Variants in VPS13D observed in about 807,000 individuals in gnomAD.
The protein encoded by VPS13D is intermembrane lipid transfer protein VPS13D.
Under a neutral mutation model 461.9 loss-of-function variants are expected in VPS13D, and 187 were observed. The observed-to-expected ratio is 0.40, with a 90% CI of 0.36 to 0.46. The LOEUF is 0.46. VPS13D is among the 20% of genes least tolerant of loss of function. The pLI is 0.60. For missense variants in VPS13D, 4,711 were observed against 5,364.9 expected (o/e 0.88, Z 3.81); for synonymous variants, 1,951 against 1,986.3 (o/e 0.98, Z 0.47).
chr1:12,479,647 AAC>A (rs1645686860), intron 67 of VPS13D, among the ~76,000 whole-genome samples: 1 of 152,116 alleles, frequency 6.6e-6, no homozygotes, highest in African/African-American at 2.4e-5. Flanking sequence ...TGGCCAACTG[AAC>A]ACAGAGTACA....
intron 5 of VPS13D, among the ~76,000 whole-genome samples, chr1:12,246,330 A>T (rs539779680): frequency 3.9e-5 from 6 of 152,292 alleles, no homozygotes; most frequent in Non-Finnish European, 8.8e-5. Flanking sequence ...GCTGTAGGAG[A>T]TACAGGTCGA....
chr1:12,414,416 G>C (rs1361418980), intron 63 of VPS13D, among the ~76,000 whole-genome samples: 2 of 152,118 alleles, frequency 1.3e-5, no homozygotes, highest in Non-Finnish European at 2.9e-5. Flanking sequence ...TCTTGCAATG[G>C]AGTATTTATA....
chr1:12,304,797 G>A, intron 26 of VPS13D, 69 bp downstream of exon 26: 1 of 1,470,406 alleles, frequency 6.8e-7, no homozygotes, highest in Non-Finnish European at 9.4e-7. Context: ...GGAAACTGAG[G>A]GGGGTGGGCA....
At chr1:12,440,499 G>C (rs891329998) in intron 65 of VPS13D, among the ~76,000 whole-genome samples, 11 of 152,230 alleles carry the variant, frequency 7.2e-5, no homozygotes, top group African/African-American at 2.7e-4. Context: ...CAGAGCAGTA[G>C]TAATATGCAG....
At chr1:12,481,946 T>C (rs1645723695) in intron 67 of VPS13D, among the ~76,000 whole-genome samples, 1 of 151,956 alleles carries the variant, frequency 6.6e-6, no homozygotes, top group Non-Finnish European at 1.5e-5. Context: ...TTAGGGAGAG[T>C]GCTGAGCACC....
chr1:12,466,572 T>C (rs1304885241), intron 67 of VPS13D, among the ~76,000 whole-genome samples: 1 of 152,230 alleles, frequency 6.6e-6, no homozygotes, highest in Non-Finnish European at 1.5e-5. Context: ...AGATCTGATA[T>C]GTTATCCTGT....
At chr1:12,312,059 T>A in intron 29 of VPS13D, 134 bp downstream of exon 29, 28 of 506,662 alleles carry the variant, frequency 5.5e-5, no homozygotes, top group South Asian at 3.4e-4. Context: ...GTCTTTTGGT[T>A]GATCTACACA....
rs767951999 is a variant in VPS13D at position 12,460,310 on chromosome 1, T to C, written c.12576T>C (p.Thr4192=). 2 of 1,612,724 alleles carry C rather than the reference T, an allele frequency of 1.2e-6. No homozygotes were observed. The highest frequency in any genetic ancestry group is 1.7e-6 in the Non-Finnish European group (2 of 1,179,432). The change falls in exon 67 of 70, where the codon ACT becomes ACC. Residue 4192 remains threonine, a synonymous_variant. Transcript: ENST00000620676. ...ISGLGKGLVG[T]VTKPVAGALD... is the part of the protein sequence containing the mutation. ...GCCTTGGAAAAGGGCTTGTTGGCAC[T>C]GTAACCAAGCCAGTGGCAGGCGCCC...
intron 67 of VPS13D, among the ~76,000 whole-genome samples, chr1:12,477,456 C>T (rs1053553703): frequency 2.0e-5 from 3 of 152,172 alleles, no homozygotes; most frequent in South Asian, 2.1e-4. Context: ...GATTCACCTC[C>T]GCGATGACCT....
In VPS13D at chr1:12,283,733, C is replaced by T. The variant is rs759274347; in HGVS notation, c.5631C>T (p.Leu1877=). The change falls in exon 21 of 70, where the codon CTC becomes CTT. Residue 1877 remains leucine, a synonymous_variant. Coordinates refer to ENST00000620676, the MANE Select transcript of VPS13D (RefSeq NM_015378.4). ...LQDPVNTKLD[L]KVHSLSLVLN... ...ATCCAGTGAACACCAAACTGGATCTCAAGGTATCCTCAGTTCCCTTTGGCT... is the reference window on the plus strand; with the variant it reads ...ATCCAGTGAACACCAAACTGGATCTTAAGGTATCCTCAGTTCCCTTTGGCT... 2.5e-6 allele frequency: 4 copies of T among 1,610,918 alleles called. No homozygotes were observed. Among genetic ancestry groups the T allele is most frequent in the Non-Finnish European group, 3.4e-6 (4 of 1,177,866 alleles).
At position 12,456,066 on chromosome 1, in the gene VPS13D, C is replaced by T. The variant is rs1204344067; in HGVS notation, c.12402C>T (p.Tyr4134=). Residue 4134 remains tyrosine, a synonymous_variant, in exon 66 of 70, where the codon TAC becomes TAT. Transcript: ENST00000620676. ...ATCGGCATCAGTCAGAGCGGGAGTA[C>T]ATCAGGTACCATGCAGCCACAAGTG... ...MDNRHQSERE[Y]IRYHAATSGE... The T allele has an allele frequency of 2.5e-6, 4 of 1,613,850 alleles. No individual in the cohort carries two copies.
chr1:12,272,898 G>T, intron 17 of VPS13D, 105 bp from the exon 18 acceptor site: 3 of 1,469,722 alleles, frequency 2.0e-6, no homozygotes, highest in Non-Finnish European at 2.7e-6. Context: ...TTAGATCACT[G>T]AGTCACTCCA....
chr1:12,408,005 G>A (rs758273645), intron 63 of VPS13D, among the ~76,000 whole-genome samples: 4 of 152,110 alleles, frequency 2.6e-5, no homozygotes, highest in Non-Finnish European at 5.9e-5. Context: ...TTTTCCCAGC[G>A]TGTTTATTTT....
chr1:12,250,829 A>G (rs1421702753), intron 6 of VPS13D, among the ~76,000 whole-genome samples: 1 of 152,252 alleles, frequency 6.6e-6, no homozygotes, highest in Non-Finnish European at 1.5e-5. Context: ...TGTTTTTGTA[A>G]ATAAAGGTTT....
intron 5 of VPS13D, among the ~76,000 whole-genome samples, chr1:12,246,709 C>G (rs561732176): frequency 7.2e-5 from 11 of 152,256 alleles, no homozygotes; most frequent in African/African-American, 2.6e-4. Context: ...TTTGATAGTC[C>G]TGAGCTTTAC....
At chr1:12,267,038 G>A (rs1282451379) in intron 14 of VPS13D, 27 bp downstream of exon 14, 2 of 1,502,874 alleles carry the variant, frequency 1.3e-6, no homozygotes, top group African/African-American at 1.4e-5. Context: ...GATAGTTAAT[G>A]TATCTAAGGT....
chr1:12,500,930 T>C (rs1646026780), intron 68 of VPS13D, among the ~76,000 whole-genome samples: 3 of 151,640 alleles, frequency 2.0e-5, no homozygotes, highest in Admixed American at 6.6e-5. Context: ...GGCACACACC[T>C]CTATCCCCAG....
At chr1:12,319,405 C>T in intron 31 of VPS13D, 92 bp from the exon 32 acceptor site, 1 of 1,552,848 alleles carries the variant, frequency 6.4e-7, no homozygotes, top group East Asian at 2.3e-5. Flanking sequence ...ATGTTGTTGC[C>T]TGGTGGAAAT....
intron 41 of VPS13D, 176 bp from the exon 42 acceptor site, chr1:12,342,723 A>G: frequency 7.0e-6 from 4 of 568,436 alleles, no homozygotes; most frequent in Non-Finnish European, 1.1e-5. Flanking sequence ...GTTGTGATTC[A>G]GCACGAAGAT....
Sources: gnomAD v4.1 joint callset for allele counts (sites outside exome capture counted in the v4.1 genomes callset) on GRCh38, gnomAD v4.1.1 for gene constraint, MANE v1.5 for transcripts, NCBI Gene and HGNC (gene_info 2026-07-23, HGNC 2026-07-21) for gene names.